The following COL14A1 variants were observed in gnomAD, a reference collection of about 807,000 sequenced individuals.
COL14A1 encodes the protein collagen alpha-1(XIV) chain.
In COL14A1, 136 loss-of-function variants were observed where a neutral mutation model predicts 230.3. The observed-to-expected ratio is 0.59, with a 90% confidence interval of 0.51 to 0.68. COL14A1 has a LOEUF of 0.68. Ranked by LOEUF, COL14A1 falls within the 30% of genes least tolerant of loss-of-function variation. The probability of loss-of-function intolerance (pLI) is 0.00; values close to 1 mark genes in which losing one functional copy is unlikely to be tolerated. For missense variants in COL14A1, 1,976 were observed against 2,215.8 expected (o/e 0.89, Z 2.17); for synonymous variants, 792 against 784.1 (o/e 1.01, Z -0.17).
chr8:120,168,988 T>G (rs1354875760), intron 5 of COL14A1, among the ~76,000 whole-genome samples: 1 of 152,126 alleles, frequency 6.6e-6, no homozygotes, highest in African/African-American at 2.4e-5. Flanking sequence ...CCTGAGTAGC[T>G]GGGATTACAG....
intron 45 of COL14A1, among the ~76,000 whole-genome samples, chr8:120,356,062 G>A (rs1406680659): frequency 6.6e-6 from 1 of 152,210 alleles, no homozygotes; most frequent in Admixed American, 6.5e-5. Flanking sequence ...GATAAGGAAG[G>A]AATATGAAAG....
chr8:120,246,984 G>C (rs1372140228), intron 20 of COL14A1, among the ~76,000 whole-genome samples: 1 of 152,098 alleles, frequency 6.6e-6, no homozygotes, highest in Non-Finnish European at 1.5e-5. Flanking sequence ...GGAACACAGT[G>C]GCATGGAGAC....
intron 22 of COL14A1, among the ~76,000 whole-genome samples, chr8:120,251,540 T>C (rs1818950774): frequency 6.6e-6 from 1 of 152,176 alleles, no homozygotes; most frequent in African/African-American, 2.4e-5. Flanking sequence ...CTTAGTGGCA[T>C]ACACCACTCC....
intron 6 of COL14A1, 151 bp downstream of exon 6, chr8:120,197,097 A>G: frequency 1.6e-6 from 1 of 625,220 alleles, no homozygotes; most frequent in South Asian, 2.8e-5. Context: ...ATCAATAAAT[A>G]TTATTTATTC....
chr8:120,363,492 T>G (rs1201845439), intron 45 of COL14A1, among the ~76,000 whole-genome samples: 1 of 152,222 alleles, frequency 6.6e-6, no homozygotes, highest in Non-Finnish European at 1.5e-5. Flanking sequence ...ACCTAGGTGA[T>G]GTGTTGATAG....
intron 40 of COL14A1, among the ~76,000 whole-genome samples, chr8:120,326,413 A>G (rs987942484): frequency 2.0e-5 from 3 of 152,234 alleles, no homozygotes; most frequent in East Asian, 3.9e-4. Flanking sequence ...TTGTCTACCT[A>G]GAGCCTAGCA....
At chr8:120,245,672 T>A (rs1818739245) in intron 20 of COL14A1, among the ~76,000 whole-genome samples, 1 of 152,118 alleles carries the variant, frequency 6.6e-6, no homozygotes, top group African/African-American at 2.4e-5. Flanking sequence ...TGGTATTCAC[T>A]TGAGGGCTGG....
intron 40 of COL14A1, among the ~76,000 whole-genome samples, chr8:120,318,740 G>C (rs1045853329): frequency 6.6e-6 from 1 of 151,956 alleles, no homozygotes; most frequent in Non-Finnish European, 1.5e-5. Context: ...GCTGCATTTG[G>C]GGGAAAAAAA....
chr8:120,130,346 C>T (rs1284858489), intron 1 of COL14A1, among the ~76,000 whole-genome samples: 1 of 152,192 alleles, frequency 6.6e-6, no homozygotes, highest in Non-Finnish European at 1.5e-5. Context: ...CCACATTTGG[C>T]CAGATAGGTC....
intron 38 of COL14A1, among the ~76,000 whole-genome samples, chr8:120,314,697 T>C (rs1821153498): frequency 6.6e-6 from 1 of 152,252 alleles, no homozygotes; most frequent in Non-Finnish European, 1.5e-5. Context: ...TGATTGTGTC[T>C]GCCTAGCTGA....
intron 42 of COL14A1, among the ~76,000 whole-genome samples, chr8:120,339,002 C>T (rs1200937264): frequency 1.3e-5 from 2 of 152,094 alleles, no homozygotes; most frequent in East Asian, 3.9e-4. Context: ...CAGGGGTGTG[C>T]TATGTAAATC....
chr8:120,161,116 G>C (rs1815653025), intron 3 of COL14A1, among the ~76,000 whole-genome samples: 1 of 152,130 alleles, frequency 6.6e-6, no homozygotes, highest in Non-Finnish European at 1.5e-5. Flanking sequence ...ACGCACATAA[G>C]GAAATGGGTT....
At chr8:120,162,342 C>A in intron 3 of COL14A1, 84 bp from the exon 4 acceptor site, 5 of 1,150,078 alleles carry the variant, frequency 4.3e-6, no homozygotes, top group South Asian at 3.9e-5. Context: ...TGTTTAACAC[C>A]ATAATTGCTA....
chr8:120,256,808 T>C (rs1205441854), intron 23 of COL14A1, among the ~76,000 whole-genome samples: 1 of 152,208 alleles, frequency 6.6e-6, no homozygotes, highest in African/African-American at 2.4e-5. Context: ...GAAAAAATTC[T>C]AAGTGTAATA....
chr8:120,333,079 A>C (rs1821926314), intron 42 of COL14A1, among the ~76,000 whole-genome samples: 2 of 152,248 alleles, frequency 1.3e-5, no homozygotes. Context: ...TCCCAAAGGG[A>C]AAAATAGAAA....
intron 45 of COL14A1, among the ~76,000 whole-genome samples, chr8:120,359,686 A>G (rs914164410): frequency 2.6e-5 from 4 of 152,180 alleles, no homozygotes; most frequent in Non-Finnish European, 4.4e-5. Flanking sequence ...TTGGCATTTG[A>G]TCTAACATTC....
At chr8:120,233,251 T>C (rs1044927335) in intron 19 of COL14A1, among the ~76,000 whole-genome samples, 3 of 152,226 alleles carry the variant, frequency 2.0e-5, no homozygotes, top group African/African-American at 7.2e-5. Context: ...TCTTTAGCTG[T>C]GCAGAAGCTC....
At chr8:120,268,965 TATAA>T (rs1462591970) in intron 25 of COL14A1, among the ~76,000 whole-genome samples, 1 of 151,806 alleles carries the variant, frequency 6.6e-6, no homozygotes, top group Non-Finnish European at 1.5e-5. Flanking sequence ...TGTAAAATTT[TATAA>T]ATCGCAGAAC....
Position 120,367,073 on chromosome 8 carries a change from C to T in COL14A1, c.5078-98C>T, listed in dbSNP as rs1586903084. Reference sequence around the variant, plus strand: ...ACCCCAAACGAACCCACTTAATTGTCTTCATCAGAGAAGCACTTTCGAACT... The same window carrying T: ...ACCCCAAACGAACCCACTTAATTGTTTTCATCAGAGAAGCACTTTCGAACT... On this transcript the variant is annotated intron_variant, in intron 45 of 47. Transcript: ENST00000297848. 6 of 914,770 alleles carry T rather than the reference C, an allele frequency of 6.6e-6. No homozygotes were observed. In the East Asian group the frequency reaches 1.6e-4, roughly 24 times the overall value. The allele number at this position is 914,770 out of a possible 1,614,324, so 56.7% of individuals were successfully genotyped here. A position where few individuals can be genotyped will look rare whatever the true frequency, so the allele number is the denominator to read the frequency against.
Sources: allele counts gnomAD v4.1 joint callset (sites outside exome capture counted in the v4.1 genomes callset), GRCh38; gene constraint gnomAD v4.1.1; transcripts MANE v1.5; gene names NCBI Gene and HGNC (gene_info 2026-07-23, HGNC 2026-07-21).